Variants in BABAM2 observed in about 807,000 individuals in gnomAD.
BABAM2 encodes BRISC and BRCA1-A complex member 2.
In BABAM2, 31 loss-of-function variants were observed where a neutral mutation model predicts 54.7. The ratio of observed to expected loss-of-function variants is 0.57; its 90% CI spans 0.43 to 0.77. The LOEUF (loss-of-function observed/expected upper bound fraction) is 0.77, where lower values mean the gene tolerates loss of function less well. BABAM2 is among the 30% of genes least tolerant of loss of function. The pLI is 0.00. For synonymous variants in BABAM2, 167 were observed against 162.9 expected (o/e 1.03, Z -0.19); for missense variants, 364 against 455.8 (o/e 0.80, Z 1.83).
intron 11 of BABAM2, among the ~76,000 whole-genome samples, chr2:28,315,216 A>G (rs1689429170): frequency 6.6e-6 from 1 of 151,920 alleles, no homozygotes; most frequent in Non-Finnish European, 1.5e-5. Flanking sequence ...TTGTTCAACC[A>G]CTGTCTAGTA....
At chr2:27,890,716 C>A (rs1573092145), upstream of BABAM2, 1 of 159,070 alleles carries the variant, frequency 6.3e-6, no homozygotes, top group East Asian at 1.8e-4. The surrounding 1 kb of genome is among the most constrained non-coding windows in gnomAD (Gnocchi z 4.8). Flanking sequence ...GGGGGCGGGG[C>A]GGGACGTCCG....
intron 7 of BABAM2, among the ~76,000 whole-genome samples, chr2:28,233,558 G>A (rs1420544121): frequency 3.9e-5 from 6 of 152,120 alleles, no homozygotes; most frequent in Admixed American, 1.3e-4. Context: ...TTACCCATGA[G>A]GCTGATATTT....
At chr2:28,029,305 G>T (rs1284525332) in intron 5 of BABAM2, among the ~76,000 whole-genome samples, 3 of 151,676 alleles carry the variant, frequency 2.0e-5, no homozygotes, top group African/African-American at 2.4e-5. Context: ...ACATTGTTGT[G>T]CAACAGATCT....
intron 11 of BABAM2, among the ~76,000 whole-genome samples, chr2:28,299,083 T>G (rs908821471): frequency 2.0e-5 from 3 of 152,228 alleles, no homozygotes; most frequent in African/African-American, 7.2e-5. Flanking sequence ...CTCTGAATTC[T>G]ATACCTCATT....
chr2:28,319,121 C>G (rs1689809930), intron 11 of BABAM2, among the ~76,000 whole-genome samples: 1 of 152,202 alleles, frequency 6.6e-6, no homozygotes, highest in Admixed American at 6.5e-5. Flanking sequence ...ACTCCAAAGC[C>G]CATCCAAACA....
At chr2:28,016,926 CTG>C (rs753243952) in intron 4 of BABAM2, among the ~76,000 whole-genome samples, 5 of 152,188 alleles carry the variant, frequency 3.3e-5, no homozygotes, top group African/African-American at 4.8e-5. Context: ...ATTGGCAGTG[CTG>C]TGTTACCTTT....
intron 3 of BABAM2, among the ~76,000 whole-genome samples, chr2:27,981,707 A>T (rs894795811): frequency 2.0e-5 from 3 of 152,166 alleles, no homozygotes; most frequent in African/African-American, 7.2e-5. Context: ...TTTCTTTCAA[A>T]TTTGAATAAT....
chr2:28,226,395 T>G (rs1031159162), intron 7 of BABAM2, among the ~76,000 whole-genome samples: 2 of 152,222 alleles, frequency 1.3e-5, no homozygotes, highest in African/African-American at 4.8e-5. Context: ...TTTTTTATAT[T>G]CATTGGACTT....
At chr2:28,250,586 T>TTC (rs1385386118) in intron 10 of BABAM2, among the ~76,000 whole-genome samples, 5 of 148,292 alleles carry the variant, frequency 3.4e-5, no homozygotes, top group East Asian at 2.0e-4. Flanking sequence ...ATTTTTTTCT[T>TTC]TTTTTTTTGT....
At chr2:28,287,183 A>G (rs952780876) in intron 10 of BABAM2, among the ~76,000 whole-genome samples, 2 of 152,214 alleles carry the variant, frequency 1.3e-5, no homozygotes, top group Non-Finnish European at 2.9e-5. Context: ...AAAGCTTATG[A>G]CTTTTTAAAG....
At chr2:28,192,582 C>A (rs527628046) in intron 7 of BABAM2, among the ~76,000 whole-genome samples, 1 of 139,618 alleles carries the variant, frequency 7.2e-6, no homozygotes, top group Non-Finnish European at 1.5e-5. Flanking sequence ...AATGCAATGG[C>A]GTGATCTTGG....
chr2:28,044,664 G>A (rs1308554631), intron 5 of BABAM2, among the ~76,000 whole-genome samples: 1 of 152,160 alleles, frequency 6.6e-6, no homozygotes, highest in East Asian at 1.9e-4. Flanking sequence ...ATTTGTAAAC[G>A]CTTGCTATGT....
At chr2:27,996,943 G>A (rs940492590) in intron 4 of BABAM2, among the ~76,000 whole-genome samples, 1 of 152,062 alleles carries the variant, frequency 6.6e-6, no homozygotes, top group Admixed American at 6.5e-5. Flanking sequence ...GAGCTACTTC[G>A]TCCCACCTGG....
At chr2:28,006,489 A>C (rs775406493) in intron 4 of BABAM2, among the ~76,000 whole-genome samples, 1 of 152,094 alleles carries the variant, frequency 6.6e-6, no homozygotes, top group Admixed American at 6.5e-5. Flanking sequence ...AAAATGAGAC[A>C]AATAAGTGTA....
At chr2:28,243,910 G>A (rs1682682830) in intron 9 of BABAM2, among the ~76,000 whole-genome samples, 2 of 152,026 alleles carry the variant, frequency 1.3e-5, no homozygotes, top group Non-Finnish European at 2.9e-5. Flanking sequence ...GTTTGGTCAG[G>A]GATAAGGCAT....
intron 3 of BABAM2, among the ~76,000 whole-genome samples, chr2:27,967,404 C>T (rs1670908271): frequency 6.6e-6 from 1 of 152,192 alleles, no homozygotes. Flanking sequence ...GCCTTGCCTT[C>T]TGCCACGATT....
chr2:28,028,543 G>A (rs1009418911), intron 5 of BABAM2, among the ~76,000 whole-genome samples: 5 of 152,104 alleles, frequency 3.3e-5, no homozygotes, highest in Non-Finnish European at 7.4e-5. Flanking sequence ...AATCTCATGA[G>A]GGCAGGGATC....
At chr2:27,902,656 G>T (rs181267363) in intron 2 of BABAM2, among the ~76,000 whole-genome samples, 1 of 151,978 alleles carries the variant, frequency 6.6e-6, no homozygotes, top group African/African-American at 2.4e-5. Context: ...TCTTCCTTTG[G>T]GATATCCTTT....
intron 2 of BABAM2, among the ~76,000 whole-genome samples, chr2:27,903,312 T>C (rs944058334): frequency 1.3e-5 from 2 of 152,212 alleles, no homozygotes; most frequent in African/African-American, 4.8e-5. Flanking sequence ...CCCCCTTCCA[T>C]CTTGTTCTAA....
Sources: allele counts gnomAD v4.1 joint callset (sites outside exome capture counted in the v4.1 genomes callset), GRCh38; gene constraint gnomAD v4.1.1; non-coding constraint Gnocchi (gnomAD v3.1); transcripts MANE v1.5; gene names NCBI Gene and HGNC (gene_info 2026-07-23, HGNC 2026-07-21).